C1QTNF3: variants seen among roughly 807,000 people sequenced by gnomAD.
C1QTNF3 encodes C1q and TNF related 3.
In C1QTNF3, 26 loss-of-function variants were observed where a neutral mutation model predicts 32.6. The ratio of observed to expected loss-of-function variants is 0.80; its 90% confidence interval spans 0.58 to 1.11. The LOEUF (loss-of-function observed/expected upper bound fraction) is 1.11, where lower values mean the gene tolerates loss of function less well. C1QTNF3 is among the 50% of genes least tolerant of loss of function. C1QTNF3 has a pLI of 0.00. For missense variants in C1QTNF3, 362 were observed against 398.2 expected (o/e 0.91, Z 0.77); for synonymous variants, 155 against 146.0 (o/e 1.06, Z -0.44).
chr5:34,123,334 G>C, the C1QTNF3 span, among the ~76,000 whole-genome samples: 27 of 152,264 alleles, frequency 1.8e-4, no homozygotes, highest in East Asian at 3.5e-3. Flanking sequence ...GTGTGTATAT[G>C]AATGCACATA....
At chr5:34,135,120 C>T in the C1QTNF3 span, among the ~76,000 whole-genome samples, 69 of 152,266 alleles carry the variant, frequency 4.5e-4, no homozygotes, top group African/African-American at 1.7e-3. Flanking sequence ...TGAACGTTTT[C>T]AGCATGAAGG....
At chr5:34,026,557 T>C (rs951999092) in intron 4 of C1QTNF3, among the ~76,000 whole-genome samples, 3 of 151,648 alleles carry the variant, frequency 2.0e-5, no homozygotes, top group African/African-American at 7.3e-5. Flanking sequence ...GAAGCTTTCA[T>C]GGACCCGGTG....
the C1QTNF3 span, among the ~76,000 whole-genome samples, chr5:34,236,669 G>A: frequency 7.1e-6 from 1 of 140,446 alleles, no homozygotes; most frequent in Non-Finnish European, 1.5e-5. Flanking sequence ...CACCCCGCCA[G>A]GTTCAAGTGA....
the C1QTNF3 span, among the ~76,000 whole-genome samples, chr5:34,223,080 A>T: frequency 1.3e-5 from 2 of 151,478 alleles, no homozygotes; most frequent in Non-Finnish European, 1.5e-5. Context: ...CAGGTTAGTT[A>T]CATATGTATA....
rs1193862590 is a variant in C1QTNF3 at position 34,019,793 on chromosome 5, A to G, written c.*790T>C. On this transcript the variant is annotated 3_prime_UTR_variant, in exon 6 of 6. Transcript: ENST00000382065. ...CCAGGTCAAAATCTTTCTCTAAGGT[A>G]TTTATTAATAGTGTATGTTCTTCAG... 1 of 152,216 alleles carries G rather than the reference A, an allele frequency of 6.6e-6. No individual in the cohort carries two copies. Among genetic ancestry groups the G allele is most frequent in the African/African-American group, 2.4e-5 (1 of 41,458 alleles). 9.4% of individuals were successfully genotyped at this position (152,216 alleles called of 1,614,324 possible).
the C1QTNF3 span, among the ~76,000 whole-genome samples, chr5:34,206,823 A>AT: frequency 1.3e-5 from 2 of 151,948 alleles, no homozygotes; most frequent in East Asian, 3.9e-4. Context: ...ATACAGTAAG[A>AT]TACAGTACTT....
chr5:34,177,948 C>A, the C1QTNF3 span, among the ~76,000 whole-genome samples: 1 of 151,894 alleles, frequency 6.6e-6, no homozygotes, highest in South Asian at 2.1e-4. Flanking sequence ...CAATGCTGAC[C>A]TAGACCCTCT....
the C1QTNF3 span, among the ~76,000 whole-genome samples, chr5:34,118,864 C>T: frequency 2.0e-5 from 3 of 151,958 alleles, no homozygotes; most frequent in African/African-American, 4.8e-5. Context: ...TTAAATATTG[C>T]TTCTTTTCCT....
At chr5:34,117,191 CCTTTT>C in the C1QTNF3 span, among the ~76,000 whole-genome samples, 1 of 151,960 alleles carries the variant, frequency 6.6e-6, no homozygotes, top group Non-Finnish European at 1.5e-5. Context: ...ACTTCTGTTT[CCTTTT>C]AACTATTTCA....
At chr5:34,211,410 C>CT in the C1QTNF3 span, among the ~76,000 whole-genome samples, 1 of 151,094 alleles carries the variant, frequency 6.6e-6, no homozygotes, top group Non-Finnish European at 1.5e-5. Flanking sequence ...TTTTTTTATA[C>CT]TTTAAGTTTT....
the C1QTNF3 span, among the ~76,000 whole-genome samples, chr5:34,074,274 C>T: frequency 6.6e-6 from 1 of 151,736 alleles, no homozygotes; most frequent in African/African-American, 2.4e-5. Context: ...TAGGTCTTGT[C>T]GTTATGCTGA....
Position 34,035,720 on chromosome 5 carries a change from C to T in C1QTNF3, c.342G>A (p.Lys114=), listed in dbSNP as rs763640331. 1 of 1,612,648 alleles carries T rather than the reference C, an allele frequency of 6.2e-7. No individual in the cohort carries two copies. The highest frequency in any genetic ancestry group is 8.5e-7 in the Non-Finnish European group (1 of 1,179,628). Residue 114 remains lysine, a synonymous_variant, in exon 2 of 6, where the codon AAG becomes AAA. Transcript: ENST00000382065. ...GAAAGCTGTAGTCTCCATGACAACACTTACTGCAGTCTGGGGGTAGTCCTC... is the reference window on the plus strand; with the variant it reads ...GAAAGCTGTAGTCTCCATGACAACATTTACTGCAGTCTGGGGGTAGTCCTC... ...QTGGLPPDCS[K]CCHGDYSFRG...
the C1QTNF3 span, among the ~76,000 whole-genome samples, chr5:34,091,931 TAAA>T: frequency 6.6e-6 from 1 of 150,824 alleles, no homozygotes; most frequent in East Asian, 1.9e-4. Flanking sequence ...CATTGTGCTT[TAAA>T]AAAAAAGTTT....
intron 3 of C1QTNF3, among the ~76,000 whole-genome samples, chr5:34,032,174 GA>G (rs1377054798): frequency 2.0e-5 from 3 of 152,246 alleles, no homozygotes; most frequent in Non-Finnish European, 4.4e-5. Context: ...AAGTCCCCCA[GA>G]GGGGATCCAT....
chr5:34,210,357 G>C, the C1QTNF3 span, among the ~76,000 whole-genome samples: 3 of 152,034 alleles, frequency 2.0e-5, no homozygotes, highest in African/African-American at 7.2e-5. Context: ...TCTTTAGAAG[G>C]AGTACGGTTT....
At chr5:34,114,175 A>G in the C1QTNF3 span, among the ~76,000 whole-genome samples, 2 of 152,208 alleles carry the variant, frequency 1.3e-5, no homozygotes, top group East Asian at 1.9e-4. Context: ...GAACTAAATT[A>G]TACCTAAGTT....
the C1QTNF3 span, among the ~76,000 whole-genome samples, chr5:34,207,753 G>A: frequency 1.3e-5 from 2 of 151,626 alleles, no homozygotes; most frequent in East Asian, 1.9e-4. Context: ...AAAAGCTCAG[G>A]ATAACTCAAA....
the C1QTNF3 span, among the ~76,000 whole-genome samples, chr5:34,227,474 A>G: frequency 6.6e-6 from 1 of 151,958 alleles, no homozygotes; most frequent in East Asian, 1.9e-4. Flanking sequence ...TTATGCATTC[A>G]TGGACTTATC....
chr5:34,170,604 C>A, the C1QTNF3 span, among the ~76,000 whole-genome samples: 2 of 152,012 alleles, frequency 1.3e-5, no homozygotes, highest in East Asian at 1.9e-4. Context: ...ATATAAATTA[C>A]CCTTCAAATA....
Sources: allele counts gnomAD v4.1 joint callset (sites outside exome capture counted in the v4.1 genomes callset), GRCh38; gene constraint gnomAD v4.1.1; transcripts MANE v1.5; gene names NCBI Gene and HGNC (gene_info 2026-07-23, HGNC 2026-07-21).